Variants in IGF2BP1 observed in about 807,000 individuals in gnomAD.
IGF2BP1 encodes insulin-like growth factor 2 mRNA-binding protein 1.
A neutral mutation model predicts 74.9 loss-of-function variants in IGF2BP1; 11 were observed. The ratio of observed to expected loss-of-function variants is 0.15; its 90% CI spans 0.09 to 0.24. The LOEUF (loss-of-function observed/expected upper bound fraction) is 0.24, where lower values mean the gene tolerates loss of function less well. Among genes scored for constraint, IGF2BP1 ranks in the 10% least tolerant of loss-of-function variants. IGF2BP1 has a pLI of 1.00. For missense variants in IGF2BP1, 440 were observed against 757.4 expected (o/e 0.58, Z 4.92); for synonymous variants, 287 against 281.8 (o/e 1.02, Z -0.18).
intron 2 of IGF2BP1, among the ~76,000 whole-genome samples, chr17:49,021,898 TG>T (rs1317899003): frequency 6.6e-6 from 1 of 152,012 alleles, no homozygotes; most frequent in Admixed American, 6.6e-5. Context: ...ACTGGGGAGA[TG>T]GGGGTGGGGC....
chr17:49,011,453 A>C (rs2041618750), intron 2 of IGF2BP1, among the ~76,000 whole-genome samples: 1 of 152,230 alleles, frequency 6.6e-6, no homozygotes, highest in African/African-American at 2.4e-5. Context: ...AGAACTCTGA[A>C]GGTATTATCA....
At chr17:49,023,845 C>T (rs971532959) in intron 2 of IGF2BP1, among the ~76,000 whole-genome samples, 7 of 151,504 alleles carry the variant, frequency 4.6e-5, no homozygotes, top group African/African-American at 1.2e-4. Flanking sequence ...CAGGGATTAG[C>T]GCATTTATTT....
At chr17:49,039,137 A>G (rs1051026659) in intron 6 of IGF2BP1, among the ~76,000 whole-genome samples, 5 of 152,074 alleles carry the variant, frequency 3.3e-5, no homozygotes, top group South Asian at 2.1e-4. Flanking sequence ...CAGCCTCCCA[A>G]AGTGCTGGGA....
intron 2 of IGF2BP1, chr17:49,012,537 C>A (rs1431569189): frequency 1.3e-5 from 2 of 152,026 alleles, no homozygotes; most frequent in Non-Finnish European, 2.9e-5. Flanking sequence ...CTGGAAGGTA[C>A]CAGGGCTGGA....
chr17:49,010,316 T>C (rs899526779), intron 2 of IGF2BP1, among the ~76,000 whole-genome samples: 3 of 59,622 alleles, frequency 5.0e-5, no homozygotes, highest in African/African-American at 1.8e-4. Flanking sequence ...TGGTCATCTT[T>C]TTTTTTTTTT....
chr17:49,030,962 C>G (rs1362478388), intron 4 of IGF2BP1, among the ~76,000 whole-genome samples: 1 of 152,004 alleles, frequency 6.6e-6, no homozygotes, highest in East Asian at 1.9e-4. Flanking sequence ...GAATTTACTC[C>G]CAGGTTGTGT....
In IGF2BP1 at chr17:49,040,123, G is replaced by A. The variant is rs776839052; in HGVS notation, c.818+32G>A. ...CTCCAGCTTTTCTTGGATCTTCAGG[G>A]TCTGCTAGTCCAGTTGAGCCTCCCC... On this transcript the variant is annotated intron_variant, in intron 7 of 14. Transcript: ENST00000290341. 4 of 1,612,114 alleles carry A rather than the reference G, an allele frequency of 2.5e-6. No homozygotes were observed. The East Asian group carries it at 8.9e-5, about 36-fold the overall frequency.
chr17:49,001,197 T>C (rs905603610), intron 2 of IGF2BP1, among the ~76,000 whole-genome samples: 2 of 152,222 alleles, frequency 1.3e-5, no homozygotes, highest in African/African-American at 4.8e-5. Context: ...TGTTGTGGTA[T>C]GTGTCTTTAG....
intron 2 of IGF2BP1, among the ~76,000 whole-genome samples, chr17:49,014,249 C>G (rs1330025392): frequency 7.1e-6 from 1 of 140,224 alleles, no homozygotes; most frequent in African/African-American, 2.7e-5. Context: ...CCCCTCAGTC[C>G]CCGTCCCCAT....
At chr17:49,023,918 A>G (rs945490053) in intron 2 of IGF2BP1, among the ~76,000 whole-genome samples, 4 of 145,110 alleles carry the variant, frequency 2.8e-5, no homozygotes, top group Non-Finnish European at 6.1e-5. Context: ...AGGGAAAACT[A>G]CCTTTTTTTT....
At chr17:49,034,235 G>A (rs1172795324) in intron 5 of IGF2BP1, among the ~76,000 whole-genome samples, 1 of 147,594 alleles carries the variant, frequency 6.8e-6, no homozygotes, top group Non-Finnish European at 1.5e-5. Flanking sequence ...TCAGCCTCCC[G>A]AGTAGTTGGG....
intron 5 of IGF2BP1, among the ~76,000 whole-genome samples, chr17:49,032,674 C>T (rs181503952): frequency 1.9e-3 from 293 of 152,300 alleles, no homozygotes; most frequent in Non-Finnish European, 3.1e-3. Context: ...AAAATCCTAC[C>T]TCTTCTTCAA....
chr17:49,012,142 C>T (rs995407489), intron 2 of IGF2BP1, among the ~76,000 whole-genome samples: 4 of 152,040 alleles, frequency 2.6e-5, no homozygotes, highest in Non-Finnish European at 4.4e-5. Flanking sequence ...TGACCTCAGG[C>T]GATCCGCCCT....
intron 5 of IGF2BP1, among the ~76,000 whole-genome samples, chr17:49,034,517 G>T (rs1486413965): frequency 6.6e-6 from 1 of 151,240 alleles, no homozygotes; most frequent in East Asian, 1.9e-4. Flanking sequence ...TGCAGGGTGG[G>T]TTGCTTGAGC....
intron 8 of IGF2BP1, 109 bp downstream of exon 8, chr17:49,041,609 T>C (rs1598156768): frequency 3.5e-6 from 5 of 1,419,690 alleles, no homozygotes; most frequent in Non-Finnish European, 4.8e-6. Context: ...GGGTGCTCCT[T>C]CTGCCTCTTG....
intron 2 of IGF2BP1, among the ~76,000 whole-genome samples, chr17:49,010,747 C>G (rs1271451370): frequency 1.3e-5 from 2 of 152,044 alleles, no homozygotes; most frequent in East Asian, 3.9e-4. Flanking sequence ...GGTACAAGGC[C>G]AAGTCTCTGC....
At chr17:49,048,657 C>T (rs2042132626) in intron 14 of IGF2BP1, among the ~76,000 whole-genome samples, 1 of 152,110 alleles carries the variant, frequency 6.6e-6, no homozygotes, top group African/African-American at 2.4e-5. Context: ...GTCCCCAAAC[C>T]CCGGGCCACG....
intron 4 of IGF2BP1, among the ~76,000 whole-genome samples, chr17:49,030,362 G>A (rs1228616010): frequency 1.3e-5 from 2 of 151,998 alleles, no homozygotes; most frequent in Non-Finnish European, 2.9e-5. Flanking sequence ...GGCTGGTCTT[G>A]AACTCCTGAC....
chr17:49,030,518 G>A (rs1044435182), intron 4 of IGF2BP1, among the ~76,000 whole-genome samples: 3 of 152,000 alleles, frequency 2.0e-5, no homozygotes, highest in Non-Finnish European at 4.4e-5. Flanking sequence ...GGATTTAGGT[G>A]TTTCCAAGTG....
Sources: gnomAD v4.1 joint callset for allele counts (sites outside exome capture counted in the v4.1 genomes callset) on GRCh38, gnomAD v4.1.1 for gene constraint, MANE v1.5 for transcripts, NCBI Gene and HGNC (gene_info 2026-07-23, HGNC 2026-07-21) for gene names.